Variants in CATSPERB observed in about 807,000 individuals in gnomAD.
CATSPERB encodes the protein catsper channel auxiliary subunit beta.
CATSPERB carries 93 observed loss-of-function variants against 128.3 expected under a neutral mutation model. That is an observed-to-expected ratio of 0.72 (90% CI 0.61 to 0.86). The LOEUF is 0.86. Ranked by LOEUF, CATSPERB falls within the 40% of genes least tolerant of loss-of-function variation. The pLI is 0.00. For missense variants in CATSPERB, 1,153 were observed against 1,329.5 expected (o/e 0.87, Z 2.06); for synonymous variants, 381 against 448.8 (o/e 0.85, Z 1.91).
intron 6 of CATSPERB, among the ~76,000 whole-genome samples, chr14:91,707,277 C>G (rs890172646): frequency 3.4e-4 from 51 of 152,222 alleles, no homozygotes; most frequent in African/African-American, 1.0e-3. Flanking sequence ...AAGCTTTTTG[C>G]TGCAATTATA....
rs1468146815 is a variant in CATSPERB, at chr14:91,723,135, T to G, written c.223A>C (p.Ser75Arg). The G allele has an allele frequency of 2.6e-6, 4 of 1,542,608 alleles. No individual in the cohort carries two copies. Among genetic ancestry groups the G allele is most frequent in the Non-Finnish European group, 3.5e-6 (4 of 1,144,112 alleles). ...GCAAGTCCTCCTGATGTGAACACAC[T>G]TAGCATTGCTTTTGATGCAATTTCA... ...ENEIASKAMLSVFTSGGLAPS... is the reference protein window; with the variant it reads ...ENEIASKAMLRVFTSGGLAPS... The change falls in exon 4 of 27, where the codon AGT becomes CGT. Residue 75 changes from serine to arginine, a missense_variant. Coordinates refer to ENST00000256343, the MANE Select transcript of CATSPERB (RefSeq NM_024764.4).
intron 7 of CATSPERB, among the ~76,000 whole-genome samples, chr14:91,697,057 G>A (rs1895575205): frequency 6.6e-6 from 1 of 152,142 alleles, no homozygotes; most frequent in Admixed American, 6.5e-5. Context: ...TACAAGCGAA[G>A]AGTGATAGGA....
chr14:91,672,243 G>C (rs1249595271), intron 13 of CATSPERB, among the ~76,000 whole-genome samples: 1 of 152,078 alleles, frequency 6.6e-6, no homozygotes, highest in Non-Finnish European at 1.5e-5. Context: ...TGACGATAGG[G>C]GCCGAACTTA....
intron 10 of CATSPERB, among the ~76,000 whole-genome samples, chr14:91,684,805 C>A (rs1895345633): frequency 6.6e-6 from 1 of 151,720 alleles, no homozygotes; most frequent in African/African-American, 2.4e-5. Context: ...TTAGTAGAGA[C>A]AAGGTTTCAC....
In CATSPERB at chr14:91,591,918, C is replaced by T. The variant is rs1893411524; in HGVS notation, c.2794G>A (p.Val932Ile). Reference sequence around the variant, plus strand: ...TTTTCCCTGCAATCCGAGAAAGCAACAGCATGTGAAAACTTCTGATCCTTT... The same window carrying T: ...TTTTCCCTGCAATCCGAGAAAGCAATAGCATGTGAAAACTTCTGATCCTTT... ...CTKDQKFSHA[V>I]AFSDCREKVP... Residue 932 changes from valine to isoleucine, a missense_variant, in exon 23 of 27, where the codon GTT (valine) becomes ATT (isoleucine). Physicochemically the swap from Val to Ile is conservative, Grantham distance 29 (BLOSUM62 3). Coordinates refer to ENST00000256343, the MANE Select transcript of CATSPERB (RefSeq NM_024764.4). 3.1e-6 allele frequency: 5 copies of T among 1,613,436 alleles called. No homozygotes were observed. Among genetic ancestry groups the T allele is most frequent in the Non-Finnish European group, 3.4e-6 (4 of 1,179,440 alleles).
intron 17 of CATSPERB, among the ~76,000 whole-genome samples, chr14:91,629,759 T>A (rs2139795998): frequency 6.6e-6 from 1 of 152,312 alleles, no homozygotes; most frequent in Admixed American, 6.5e-5. Flanking sequence ...GCAGCTACCT[T>A]AATTATGAAA....
intron 22 of CATSPERB, among the ~76,000 whole-genome samples, chr14:91,601,475 TA>T (rs1893606371): frequency 6.6e-6 from 1 of 152,144 alleles, no homozygotes; most frequent in Non-Finnish European, 1.5e-5. Flanking sequence ...AGAGAATGAA[TA>T]TATATGGTAA....
chr14:91,595,056 GA>G (rs139703754), intron 22 of CATSPERB, among the ~76,000 whole-genome samples: 21,111 of 151,854 alleles, frequency 0.14, 1,608 homozygotes, highest in Non-Finnish European at 0.17. Flanking sequence ...CACAAAAATT[GA>G]AAAAAATATT....
intron 22 of CATSPERB, chr14:91,603,390 T>G: frequency 1.2e-6 from 2 of 1,609,936 alleles, no homozygotes; most frequent in Non-Finnish European, 1.7e-6. Flanking sequence ...AGCCTCAATA[T>G]TAAAGGTATA....
intron 25 of CATSPERB, among the ~76,000 whole-genome samples, chr14:91,587,477 C>CTTTTTTTTTATTTTTTTTTTTT (rs1893324397): frequency 9.8e-6 from 1 of 101,566 alleles, no homozygotes; most frequent in Non-Finnish European, 2.0e-5. Context: ...ATAGCTGATA[C>CTTTTTTTTTATTTTTTTTTTTT]TTTTTTTTTT....
chr14:91,594,820 A>G (rs938807575), intron 22 of CATSPERB, among the ~76,000 whole-genome samples: 3 of 152,234 alleles, frequency 2.0e-5, no homozygotes, highest in Non-Finnish European at 4.4e-5. Flanking sequence ...ATATATTAGT[A>G]GGCAGGTATG....
In CATSPERB at chr14:91,704,578, C is replaced by T. The variant is rs780977498; in HGVS notation, c.590G>A (p.Gly197Asp). 5.6e-6 allele frequency: 9 copies of T among 1,613,422 alleles called. No homozygotes were observed. The highest frequency in any genetic ancestry group is 4.0e-5 in the African/African-American group (3 of 74,886). ...ATCAACTATTGTATCCACAATGAAGCCTAGTAATGCCACATCATTGGCACA... is the reference window on the plus strand; with the variant it reads ...ATCAACTATTGTATCCACAATGAAGTCTAGTAATGCCACATCATTGGCACA... ...CPCANDVALL[G>D]FIVDTIVDGV... is the part of the protein sequence containing the mutation. The change falls in exon 7 of 27, where the codon GGC (glycine) becomes GAC (aspartate). Residue 197 changes from glycine (G) to aspartate (D), a missense_variant. Coordinates refer to ENST00000256343, the MANE Select transcript of CATSPERB (RefSeq NM_024764.4).
intron 7 of CATSPERB, among the ~76,000 whole-genome samples, chr14:91,698,657 G>C (rs1895600283): frequency 1.3e-5 from 2 of 152,166 alleles, no homozygotes; most frequent in Non-Finnish European, 2.9e-5. Context: ...TCATTATATA[G>C]CTTTTGCTTT....
chr14:91,669,688 ATT>A, intron 14 of CATSPERB, 124 bp downstream of exon 14: 1 of 881,290 alleles, frequency 1.1e-6, no homozygotes, highest in African/African-American at 1.8e-5. Flanking sequence ...GTCAATAAAT[ATT>A]GTCTTCCCTC....
At chr14:91,638,971 G>A in intron 16 of CATSPERB, 125 bp downstream of exon 16, 2 of 795,104 alleles carry the variant, frequency 2.5e-6, no homozygotes, top group Non-Finnish European at 3.9e-6. Context: ...TAGTTAAATA[G>A]AGCAAACTGC....
Position 91,580,871 on chromosome 14 carries a change from A to T in CATSPERB, c.*18T>A, listed in dbSNP as rs770922514. On this transcript the variant is annotated 3_prime_UTR_variant, in exon 27 of 27. Coordinates refer to ENST00000256343, the MANE Select transcript of CATSPERB (RefSeq NM_024764.4). ...TGATAAAACTAGAAAATAAAGAGAA[A>T]TTATGATCACCATGTGTTCACTCTT... 1.9e-5 allele frequency: 31 copies of T among 1,592,634 alleles called. 1 individual carries two copies. Among genetic ancestry groups the T allele is most frequent in the South Asian group, 1.8e-4 (16 of 89,482 alleles).
At chr14:91,619,904 T>C (rs1236382227) in intron 19 of CATSPERB, among the ~76,000 whole-genome samples, 2 of 140,534 alleles carry the variant, frequency 1.4e-5, no homozygotes, top group African/African-American at 5.2e-5. Context: ...TGTGTGTGTG[T>C]GTGTGTGTTT....
intron 16 of CATSPERB, 31 bp from the exon 17 acceptor site, chr14:91,636,610 T>G (rs1488621263): frequency 6.4e-6 from 10 of 1,558,172 alleles, no homozygotes; most frequent in Middle Eastern, 1.7e-4. Context: ...ATATTATATT[T>G]AAACTACTTT....
chr14:91,727,825 A>G (rs1210645419), intron 2 of CATSPERB, among the ~76,000 whole-genome samples: 2 of 152,210 alleles, frequency 1.3e-5, no homozygotes, highest in African/African-American at 4.8e-5. Context: ...TTATTTTATG[A>G]AATTCCCACA....
Sources: gnomAD v4.1 joint callset for allele counts (sites outside exome capture counted in the v4.1 genomes callset) on GRCh38, gnomAD v4.1.1 for gene constraint, MANE v1.5 for transcripts, NCBI Gene and HGNC (gene_info 2026-07-23, HGNC 2026-07-21) for gene names.